CDH9: variants seen among roughly 807,000 people sequenced by gnomAD.
The protein encoded by CDH9 is cadherin 9, also known as cadherin-9.
A neutral mutation model predicts 70.9 loss-of-function variants in CDH9; 28 were observed. The observed-to-expected ratio is 0.40, with a 90% CI of 0.29 to 0.54. The LOEUF (loss-of-function observed/expected upper bound fraction) is 0.54, where lower values mean the gene tolerates loss of function less well. CDH9 is among the 20% of genes least tolerant of loss of function. CDH9 has a pLI of 0.59. For synonymous variants in CDH9, 409 were observed against 343.1 expected, an observed-to-expected ratio of 1.19 and a Z score of -2.12; for missense variants, 874 against 984.4, an observed-to-expected ratio of 0.89 and a Z score of 1.50.
intron 1 of CDH9, among the ~76,000 whole-genome samples, chr5:27,013,917 T>C (rs1743003862): frequency 6.6e-6 from 1 of 151,960 alleles, no homozygotes; most frequent in Non-Finnish European, 1.5e-5. Context: ...AACACATCTA[T>C]AAGGTGATAA....
At chr5:26,906,433 G>A (rs1335843779) in intron 4 of CDH9, among the ~76,000 whole-genome samples, 2 of 152,050 alleles carry the variant, frequency 1.3e-5, no homozygotes, top group African/African-American at 2.4e-5. Context: ...TCATATTCAA[G>A]TTTTGAGTAT....
intron 9 of CDH9, among the ~76,000 whole-genome samples, chr5:26,887,091 AATTTT>A (rs1740577881): frequency 1.3e-5 from 2 of 152,142 alleles, no homozygotes; most frequent in South Asian, 4.1e-4. Context: ...TTTTCACTTT[AATTTT>A]ATATTAATGA....
rs919609960 is a variant in CDH9 at position 26,947,195 on chromosome 5, G to A, written c.229-31271C>T. Among the ~76,000 whole-genome samples the A allele has an allele frequency of 3.9e-5, 6 of 152,092 alleles. 1 individual carries two copies. The highest frequency in any genetic ancestry group is 3.3e-4 in the Admixed American group (5 of 15,256). On this transcript the variant is annotated intron_variant, in intron 2 of 11. Transcript: ENST00000231021. ...AGCAATGTAGAATTTAGGGAATTCA[G>A]CAATATACCACTCCTAAGCTTAAGG...
intron 1 of CDH9, among the ~76,000 whole-genome samples, chr5:27,020,190 G>T (rs1235165717): frequency 6.6e-6 from 1 of 151,548 alleles, no homozygotes; most frequent in East Asian, 1.9e-4. Flanking sequence ...TACAAATAAT[G>T]CCATGTCAAT....
At chr5:27,000,135 G>GATGTGTT (rs1380351616) in intron 1 of CDH9, among the ~76,000 whole-genome samples, 3 of 152,042 alleles carry the variant, frequency 2.0e-5, no homozygotes, top group African/African-American at 7.2e-5. Context: ...ACACATATCT[G>GATGTGTT]ATAAGGACTT....
Position 26,984,846 on chromosome 5 carries a change from C to A in CDH9, c.228+3260G>T, listed in dbSNP as rs139557625. The stretch of plus-strand genomic sequence containing the variant: ...ATAGTTTCAGTCAAGAATGACCAAC[C>A]AAATTTCAAATTGCATTATTGCGAA... On this transcript the variant is annotated intron_variant, in intron 2 of 11. Transcript: ENST00000231021. 8.0e-3 allele frequency among the ~76,000 whole-genome samples: 1,215 copies of A among 152,174 alleles called. 8 individuals carry two copies. The highest frequency in any genetic ancestry group is 0.013 in the Non-Finnish European group (878 of 67,942).
At chr5:26,967,573 C>T (rs1437630707) in intron 2 of CDH9, among the ~76,000 whole-genome samples, 1 of 152,042 alleles carries the variant, frequency 6.6e-6, no homozygotes, top group Non-Finnish European at 1.5e-5. Context: ...ATTCTAGGTA[C>T]TTTTTTAGAT....
chr5:26,889,013 T>C (rs1289400069), intron 9 of CDH9, among the ~76,000 whole-genome samples: 1 of 152,164 alleles, frequency 6.6e-6, no homozygotes, highest in Non-Finnish European at 1.5e-5. Context: ...TTTTCAAGAT[T>C]TGAATTTGGA....
intron 2 of CDH9, among the ~76,000 whole-genome samples, chr5:26,985,611 T>C (rs1428650): frequency 0.52 from 79,504 of 151,968 alleles, 22,311 homozygotes; most frequent in African/African-American, 0.69. Flanking sequence ...TAATATGTTG[T>C]CTATCATTTT....
chr5:26,920,906 C>G (rs1030636512), intron 2 of CDH9, among the ~76,000 whole-genome samples: 1 of 152,160 alleles, frequency 6.6e-6, no homozygotes, highest in Non-Finnish European at 1.5e-5. Flanking sequence ...GTCAAACAAG[C>G]ACAGACTGAA....
chr5:27,012,854 A>T (rs931532340), intron 1 of CDH9, among the ~76,000 whole-genome samples: 10 of 152,026 alleles, frequency 6.6e-5, no homozygotes, highest in Non-Finnish European at 1.3e-4. Flanking sequence ...CTGATATTAA[A>T]ATTCTAGTGT....
At chr5:26,890,325 A>G (rs901871118) in intron 8 of CDH9, 103 bp downstream of exon 8, 14 of 865,618 alleles carry the variant, frequency 1.6e-5, no homozygotes, top group Admixed American at 1.4e-4. Context: ...AGATCTTGCT[A>G]AGGATACAAT....
intron 9 of CDH9, among the ~76,000 whole-genome samples, chr5:26,888,197 A>G (rs996602282): frequency 6.6e-6 from 1 of 152,202 alleles, no homozygotes; most frequent in African/African-American, 2.4e-5. Context: ...TGCCAAGTAC[A>G]TAGGCAATCA....
intron 2 of CDH9, among the ~76,000 whole-genome samples, chr5:26,985,995 G>A (rs951865004): frequency 2.0e-5 from 3 of 151,958 alleles, no homozygotes; most frequent in Non-Finnish European, 2.9e-5. Flanking sequence ...CTAAGATGTG[G>A]TTGAAAGTCA....
chr5:27,005,252 T>A (rs1020455845), intron 1 of CDH9, among the ~76,000 whole-genome samples: 4 of 152,062 alleles, frequency 2.6e-5, no homozygotes, highest in Non-Finnish European at 5.9e-5. Context: ...TCTAGAAAGT[T>A]TCTTAAGAAA....
intron 11 of CDH9, among the ~76,000 whole-genome samples, chr5:26,883,298 T>C (rs930818197): frequency 2.6e-5 from 4 of 151,430 alleles, no homozygotes; most frequent in Non-Finnish European, 5.9e-5. Context: ...CAAATTGTAT[T>C]AAGGGTTTCT....
chr5:26,952,844 A>T (rs556677659), intron 2 of CDH9, among the ~76,000 whole-genome samples: 13 of 149,044 alleles, frequency 8.7e-5, no homozygotes, highest in African/African-American at 3.0e-4. Flanking sequence ...TCGGGCTGGG[A>T]ATCTTGCTGG....
intron 2 of CDH9, among the ~76,000 whole-genome samples, chr5:26,984,936 T>C (rs886445172): frequency 3.9e-5 from 6 of 152,166 alleles, no homozygotes; most frequent in Non-Finnish European, 5.9e-5. Context: ...ATGTCTGAAA[T>C]GCCATAAAAA....
intron 1 of CDH9, among the ~76,000 whole-genome samples, chr5:27,018,365 A>T (rs887328382): frequency 4.6e-5 from 7 of 151,854 alleles, no homozygotes; most frequent in African/African-American, 1.7e-4. Context: ...AATATATATA[A>T]AATTCAGAGA....
Sources: gnomAD v4.1 joint callset for allele counts (sites outside exome capture counted in the v4.1 genomes callset) on GRCh38, gnomAD v4.1.1 for gene constraint, MANE v1.5 for transcripts, NCBI Gene and HGNC (gene_info 2026-07-23, HGNC 2026-07-21) for gene names.